The following DCAF6 variants were observed in gnomAD, a reference collection of about 807,000 sequenced individuals.
DCAF6 encodes DDB1- and CUL4-associated factor 6.
Under a neutral mutation model 125.1 loss-of-function variants are expected in DCAF6, and 54 were observed. The ratio of observed to expected loss-of-function variants is 0.43; its 90% CI spans 0.35 to 0.54. The LOEUF is 0.54. Among genes scored for constraint, DCAF6 ranks in the 20% least tolerant of loss-of-function variants. The pLI is 0.01. For missense variants in DCAF6, 934 were observed against 1,161.7 expected (o/e 0.80, Z 2.85); for synonymous variants, 371 against 390.4 (o/e 0.95, Z 0.58).
At chr1:167,970,109 A>G (rs1677074150) in intron 3 of DCAF6, among the ~76,000 whole-genome samples, 1 of 152,152 alleles carries the variant, frequency 6.6e-6, no homozygotes, top group African/African-American at 2.4e-5. Context: ...GATTTCCTGA[A>G]ATAATGTATA....
chr1:167,884,163 C>G, the DCAF6 span, among the ~76,000 whole-genome samples: 1 of 152,064 alleles, frequency 6.6e-6, no homozygotes, highest in South Asian at 2.1e-4. Context: ...GTCCGTTCTC[C>G]CACTGTTATA....
the DCAF6 span, chr1:167,878,742 G>T: frequency 8.8e-7 from 1 of 1,138,244 alleles, no homozygotes. Flanking sequence ...TACTCCCTTT[G>T]CTGTTCATGA....
intron 4 of DCAF6, among the ~76,000 whole-genome samples, chr1:167,976,450 C>T (rs7550901): frequency 0.066 from 10,060 of 152,136 alleles, 499 homozygotes; most frequent in Middle Eastern, 0.1. Flanking sequence ...CCAACCTGGG[C>T]GACAGAGTGA....
intron 4 of DCAF6, among the ~76,000 whole-genome samples, chr1:167,986,248 A>G (rs1264679716): frequency 6.6e-6 from 1 of 152,204 alleles, no homozygotes; most frequent in Non-Finnish European, 1.5e-5. Flanking sequence ...TAGGAGAAGC[A>G]TATGATCAGC....
At chr1:167,895,716 T>C in the DCAF6 span, among the ~76,000 whole-genome samples, 6 of 152,336 alleles carry the variant, frequency 3.9e-5, no homozygotes, top group South Asian at 4.1e-4. Flanking sequence ...ACTCGGGTGA[T>C]GTAAGCAACT....
At chr1:167,872,203 T>C in the DCAF6 span, among the ~76,000 whole-genome samples, 10 of 152,186 alleles carry the variant, frequency 6.6e-5, no homozygotes, top group East Asian at 9.7e-4. Context: ...CCGGGCGTGG[T>C]GGTGCATGCC....
intron 7 of DCAF6, among the ~76,000 whole-genome samples, chr1:168,002,001 G>T (rs562523490): frequency 6.6e-6 from 1 of 152,224 alleles, no homozygotes; most frequent in East Asian, 1.9e-4. Context: ...ATAAAGGGTC[G>T]CAATAGATTC....
the DCAF6 span, among the ~76,000 whole-genome samples, chr1:167,882,369 C>T: frequency 6.6e-6 from 1 of 151,312 alleles, no homozygotes; most frequent in South Asian, 2.1e-4. Context: ...CCTGTAATCC[C>T]AGCTACTCAG....
chr1:168,043,097 C>G lies in DCAF6; in HGVS notation c.1800C>G (p.Val600=), dbSNP rs201178684. The part of the protein sequence containing the change: ...CKSEGQEESF[V]PQSSVQPPEG... ...CTGAGGGTCAGGAGGAATCTTTCGTCCCACAGAGCTCAGTGCAACCACCAG... is the reference window on the plus strand; with the variant it reads ...CTGAGGGTCAGGAGGAATCTTTCGTGCCACAGAGCTCAGTGCAACCACCAG... Residue 600 remains valine (V), a synonymous_variant, in exon 14 of 22, where the codon GTC becomes GTG. Coordinates refer to ENST00000367840, the MANE Select transcript of DCAF6 (RefSeq NM_001198956.2). 18 of 1,612,828 alleles carry G rather than the reference C, an allele frequency of 1.1e-5. No homozygotes were observed. The highest frequency in any genetic ancestry group is 1.5e-5 in the Non-Finnish European group (18 of 1,179,324).
the DCAF6 span, chr1:167,901,992 T>G: frequency 6.2e-7 from 1 of 1,613,666 alleles, no homozygotes; most frequent in Non-Finnish European, 8.5e-7. Context: ...TTCTTACCCC[T>G]TCTATCTTAG....
At chr1:167,941,798 A>G (rs1672279269) in intron 1 of DCAF6, among the ~76,000 whole-genome samples, 1 of 152,240 alleles carries the variant, frequency 6.6e-6, no homozygotes, top group South Asian at 2.1e-4. Flanking sequence ...GTGAAACTTC[A>G]TGTACATCTT....
At chr1:167,987,473 G>A (rs1334969354) in intron 4 of DCAF6, 22 bp from the exon 5 acceptor site, 3 of 1,118,124 alleles carry the variant, frequency 2.7e-6, no homozygotes, top group Non-Finnish European at 4.1e-6. Context: ...ATGATTATCT[G>A]CACTTTTCTT....
chr1:167,903,001 T>C, the DCAF6 span, among the ~76,000 whole-genome samples: 1 of 152,182 alleles, frequency 6.6e-6, no homozygotes, highest in Non-Finnish European at 1.5e-5. Context: ...ACGCCTATAA[T>C]CCCAGCACTT....
At chr1:168,072,294 T>TAAAAAAAAAAAAA (rs59674650) in intron 21 of DCAF6, among the ~76,000 whole-genome samples, 43 of 41,008 alleles carry the variant, frequency 1.0e-3, no homozygotes, top group East Asian at 4.6e-3. Context: ...AGAATCAGTC[T>TAAAAAAAAAAAAA]AAAAAAAAAA....
chr1:167,920,406 A>G, the DCAF6 span: 14 of 892,394 alleles, frequency 1.6e-5, no homozygotes, highest in Non-Finnish European at 2.3e-5. Flanking sequence ...CCATAACTTA[A>G]TAACTTCCTA....
intron 10 of DCAF6, among the ~76,000 whole-genome samples, chr1:168,013,650 T>A (rs900891583): frequency 6.6e-6 from 1 of 152,164 alleles, no homozygotes. Flanking sequence ...CGCTTTTTTT[T>A]AAGCATCATC....
chr1:167,991,276 G>T lies in DCAF6; in HGVS notation c.625G>T (p.Val209Phe). The T allele has an allele frequency of 6.2e-7, 1 of 1,613,600 alleles. No individual in the cohort carries two copies. Among genetic ancestry groups the T allele is most frequent in the Non-Finnish European group, 8.5e-7 (1 of 1,179,878 alleles). Residue 209 changes from valine to phenylalanine, a missense_variant, in exon 6 of 22, where the codon GTT becomes TTT. Around this residue, in one of 5 missense-constraint regions of DCAF6, gnomAD observed 309 missense variants for 381.2 expected, o/e 0.81. Coordinates refer to ENST00000367840, the MANE Select transcript of DCAF6 (RefSeq NM_001198956.2). Reference sequence around the variant, plus strand: ...CCCACCAATACCATATTACCTTGCTGTTGGTTGTTCTGACAGCTCAGTACG... The same window carrying T: ...CCCACCAATACCATATTACCTTGCTTTTGGTTGTTCTGACAGCTCAGTACG... Reference protein sequence around the residue: ...ICPPIPYYLAVGCSDSSVRIY... With the variant: ...ICPPIPYYLAFGCSDSSVRIY...
the DCAF6 span, chr1:167,904,773 A>G: frequency 4.7e-6 from 3 of 635,548 alleles, no homozygotes; most frequent in Non-Finnish European, 8.3e-6. Flanking sequence ...TGAGCATGTT[A>G]AAGATATGCC....
At chr1:168,012,042 A>G (rs1402906595) in intron 10 of DCAF6, among the ~76,000 whole-genome samples, 1 of 152,188 alleles carries the variant, frequency 6.6e-6, no homozygotes, top group East Asian at 1.9e-4. Context: ...TGGGGAAACC[A>G]AAGAAGAGAA....
Sources: gnomAD v4.1 joint callset for allele counts (sites outside exome capture counted in the v4.1 genomes callset) on GRCh38, gnomAD v4.1.1 for gene constraint, gnomAD v4.1.1 regional missense constraint, MANE v1.5 for transcripts, NCBI Gene and HGNC (gene_info 2026-07-23, HGNC 2026-07-21) for gene names.